ERC1: variants seen among roughly 807,000 people sequenced by gnomAD.
The protein encoded by ERC1 is RAB6 interacting protein 2.
A neutral mutation model predicts 132.0 loss-of-function variants in ERC1; 56 were observed. The ratio of observed to expected loss-of-function variants is 0.42; its 90% CI spans 0.34 to 0.53. The LOEUF is 0.53. Ranked by LOEUF, ERC1 falls within the 20% of genes least tolerant of loss-of-function variation. The pLI is 0.03. For synonymous variants in ERC1, 478 were observed against 476.1 expected, an observed-to-expected ratio of 1.00 and a Z score of -0.05; for missense variants, 1,202 against 1,349.9, an observed-to-expected ratio of 0.89 and a Z score of 1.72.
intron 1 of ERC1, among the ~76,000 whole-genome samples, chr12:999,608 G>GGT (rs1961738113): frequency 2.7e-5 from 1 of 37,514 alleles, no homozygotes. Context: ...GGTGCTAGGT[G>GGT]ATTTTTTTTT....
intron 2 of ERC1, among the ~76,000 whole-genome samples, chr12:1,071,488 C>T (rs1401555760): frequency 1.3e-5 from 2 of 151,820 alleles, no homozygotes; most frequent in Non-Finnish European, 2.9e-5. Flanking sequence ...GAACGTTCAT[C>T]TTCCCCAGGA....
intron 2 of ERC1, among the ~76,000 whole-genome samples, chr12:1,060,550 A>T (rs1404418889): frequency 6.6e-6 from 1 of 152,088 alleles, no homozygotes; most frequent in Admixed American, 6.6e-5. Flanking sequence ...TGTATATGAA[A>T]AGGCACTTCT....
intron 14 of ERC1, among the ~76,000 whole-genome samples, chr12:1,273,584 G>A (rs1463825655): frequency 2.6e-5 from 4 of 152,138 alleles, no homozygotes; most frequent in East Asian, 1.9e-4. Flanking sequence ...CTCTAGCCAC[G>A]TTTCTGTTGA....
At chr12:1,478,772 G>C (rs2094026061) in intron 18 of ERC1, among the ~76,000 whole-genome samples, 1 of 146,128 alleles carries the variant, frequency 6.8e-6, no homozygotes, top group Non-Finnish European at 1.5e-5. Context: ...CTGAGCGACA[G>C]AGTGAGACTC....
chr12:1,300,848 G>A (rs1472847178), intron 15 of ERC1, among the ~76,000 whole-genome samples: 1 of 152,132 alleles, frequency 6.6e-6, no homozygotes, highest in East Asian at 1.9e-4. Flanking sequence ...CACACTGTCG[G>A]TGGGAGTATA....
At chr12:1,132,489 G>A (rs185293629) in intron 7 of ERC1, among the ~76,000 whole-genome samples, 1 of 152,232 alleles carries the variant, frequency 6.6e-6, no homozygotes, top group Non-Finnish European at 1.5e-5. Flanking sequence ...GTGCCGTGCG[G>A]GTATTTATGT....
intron 17 of ERC1, among the ~76,000 whole-genome samples, chr12:1,440,371 A>AC (rs1565443488): frequency 6.8e-6 from 1 of 148,096 alleles, no homozygotes; most frequent in Non-Finnish European, 1.5e-5. Context: ...CGCCCGGCTA[A>AC]TTTTTTTTGT....
chr12:1,040,317 CTTTTTTCTTTTTTTT>C (rs1726588387), intron 2 of ERC1, among the ~76,000 whole-genome samples: 1 of 146,428 alleles, frequency 6.8e-6, no homozygotes, highest in African/African-American at 2.5e-5. Context: ...TTCTTTTTTT[CTTTTTTCTTTTTTTT>C]TTTTTTTGAG....
intron 8 of ERC1, among the ~76,000 whole-genome samples, chr12:1,175,721 G>C (rs927121194): frequency 2.0e-5 from 3 of 152,020 alleles, no homozygotes; most frequent in Admixed American, 2.0e-4. Flanking sequence ...TTTCAGTAGA[G>C]ACAGCGTTTC....
intron 2 of ERC1, among the ~76,000 whole-genome samples, chr12:1,060,239 A>G (rs939044883): frequency 6.7e-6 from 1 of 149,962 alleles, no homozygotes; most frequent in African/African-American, 2.4e-5. Flanking sequence ...GGTTAGTTAC[A>G]TATGTATACA....
intron 8 of ERC1, among the ~76,000 whole-genome samples, chr12:1,160,463 G>A (rs965185159): frequency 1.3e-5 from 2 of 152,096 alleles, no homozygotes; most frequent in African/African-American, 4.8e-5. Context: ...AGGTGAGCAT[G>A]GTGGCTTACA....
chr12:1,249,689 G>C lies in ERC1; in HGVS notation c.2487+12785G>C, dbSNP rs1338577806. 1.3e-5 allele frequency among the ~76,000 whole-genome samples: 2 copies of C among 152,140 alleles called. 1 individual carries two copies. Among genetic ancestry groups the C allele is most frequent in the African/African-American group, 4.8e-5 (2 of 41,432 alleles). On this transcript the variant is annotated intron_variant, in intron 13 of 18. Coordinates refer to ENST00000360905, the MANE Select transcript of ERC1 (RefSeq NM_178040.4). ...ACATGCATCTTAGCCTGGTCTCTTA[G>C]TCTATTTGGGCTGCTATAGCGAAAT...
chr12:1,425,215 A>AT (rs1329667523), intron 17 of ERC1, among the ~76,000 whole-genome samples: 12 of 152,188 alleles, frequency 7.9e-5, no homozygotes, highest in African/African-American at 2.4e-4. Flanking sequence ...AAGCACATAC[A>AT]TAATTTTAGT....
intron 8 of ERC1, among the ~76,000 whole-genome samples, chr12:1,169,303 T>G (rs1345423711): frequency 6.6e-6 from 1 of 152,196 alleles, no homozygotes; most frequent in Non-Finnish European, 1.5e-5. Flanking sequence ...CCCTAGAGAT[T>G]GTCTTAGCTA....
rs565867419 is a variant in ERC1 at position 1,167,735 on chromosome 12, G to A, written c.1738-12805G>A. 6.5e-5 allele frequency among the ~76,000 whole-genome samples: 9 copies of A among 139,016 alleles called. No individual in the cohort carries two copies. In the East Asian group the frequency reaches 1.5e-3, roughly 23 times the overall value. The allele number at this position is 139,016 out of a possible 152,430, so 91.2% of individuals were successfully genotyped here. A position where few individuals can be genotyped will look rare whatever the true frequency, so the allele number is the denominator to read the frequency against. Reference sequence around the variant, plus strand: ...TTCTTTTCTTTTTTTTTTTTTTTCCGAGATGGAGTCTCGCTCTGTTGCCCA... The same window carrying A: ...TTCTTTTCTTTTTTTTTTTTTTTCCAAGATGGAGTCTCGCTCTGTTGCCCA... On this transcript the variant is annotated intron_variant, in intron 8 of 18. Transcript: ENST00000360905.
intron 13 of ERC1, among the ~76,000 whole-genome samples, chr12:1,253,001 A>G (rs2076560569): frequency 6.6e-6 from 1 of 152,224 alleles, no homozygotes; most frequent in South Asian, 2.1e-4. Context: ...ATAATGGATA[A>G]CAGTTAACAT....
chr12:1,102,483 T>C (rs993132032), intron 3 of ERC1, among the ~76,000 whole-genome samples: 1 of 152,108 alleles, frequency 6.6e-6, no homozygotes, highest in South Asian at 2.1e-4. Context: ...CTGTGTAGCA[T>C]GCTGTATGAG....
At position 1,400,953 on chromosome 12, in the gene ERC1, T is replaced by TTTTTTTTG. The variant is rs1477365626; in HGVS notation, c.2926-7196_2926-7195insTTTTTTTG. 7.7e-5 allele frequency among the ~76,000 whole-genome samples: 7 copies of TTTTTTTTG among 90,336 alleles called. 1 individual carries two copies. Among genetic ancestry groups the TTTTTTTTG allele is most frequent in the Admixed American group, 1.2e-4 (1 of 8,278 alleles). The allele number at this position is 90,336 out of a possible 152,430, so 59.3% of individuals were successfully genotyped here. ...TTTTTTTTTTTTTTTTTTTTTTTTT[T>TTTTTTTTG]GTGACGGAGTCTTGCTCTATCGCCC... On this transcript the variant is annotated intron_variant, in intron 16 of 18. Coordinates refer to ENST00000360905, the MANE Select transcript of ERC1 (RefSeq NM_178040.4).
chr12:1,355,481 T>G (rs1417568048), intron 15 of ERC1, among the ~76,000 whole-genome samples: 2 of 152,236 alleles, frequency 1.3e-5, no homozygotes, highest in East Asian at 1.9e-4. Flanking sequence ...TTTTCTAAGT[T>G]CTGCAGCAGT....
Sources: gnomAD v4.1 joint callset for allele counts (sites outside exome capture counted in the v4.1 genomes callset) on GRCh38, gnomAD v4.1.1 for gene constraint, MANE v1.5 for transcripts, NCBI Gene and HGNC (gene_info 2026-07-23, HGNC 2026-07-21) for gene names.